Variants in SPATA6 observed in about 807,000 individuals in gnomAD.
SPATA6 encodes the protein spermatogenesis-associated protein 6.
Under a neutral mutation model 65.3 loss-of-function variants are expected in SPATA6, and 56 were observed. The ratio of observed to expected loss-of-function variants is 0.86; its 90% CI spans 0.69 to 1.07. The LOEUF (loss-of-function observed/expected upper bound fraction) is 1.07, where lower values mean the gene tolerates loss of function less well. Among genes scored for constraint, SPATA6 ranks in the 50% least tolerant of loss-of-function variants. The pLI, the probability that SPATA6 is intolerant of heterozygous loss-of-function variation, is 0.00. For synonymous variants in SPATA6, 199 were observed against 213.2 expected, an observed-to-expected ratio of 0.93 and a Z score of 0.58; for missense variants, 590 against 594.8, an observed-to-expected ratio of 0.99 and a Z score of 0.08.
At chr1:48,387,743 G>A (rs768442373) in intron 8 of SPATA6, among the ~76,000 whole-genome samples, 5 of 152,092 alleles carry the variant, frequency 3.3e-5, no homozygotes, top group African/African-American at 7.2e-5. Flanking sequence ...GCACCTGAAC[G>A]CTCCTCCCCA....
At chr1:48,389,397 A>C (rs1336179320) in intron 8 of SPATA6, among the ~76,000 whole-genome samples, 2 of 152,222 alleles carry the variant, frequency 1.3e-5, no homozygotes, top group Non-Finnish European at 2.9e-5. Context: ...TCTGAAGTCT[A>C]TCAAGAGACT....
chr1:48,381,685 T>TC (rs1355515844), intron 9 of SPATA6, among the ~76,000 whole-genome samples: 298 of 14,636 alleles, frequency 0.02, 4 homozygotes, highest in African/African-American at 0.034. Context: ...TAAATTTTTT[T>TC]TCTTTTTTTT....
In SPATA6 at chr1:48,436,630, T is replaced by A. The variant is rs2282312; in HGVS notation, c.238+14922A>T. Reference sequence around the variant, plus strand: ...ACAGAGGCATAGGGCTGTGTATGATTTCCCACAGTTCAGCACATCAGTGCA... The same window carrying A: ...ACAGAGGCATAGGGCTGTGTATGATATCCCACAGTTCAGCACATCAGTGCA... On this transcript the variant is annotated intron_variant, in intron 3 of 12. Transcript: ENST00000371847. 25,376 of 1,614,092 alleles carry A rather than the reference T, an allele frequency of 0.016. 1,079 individuals carry two copies. In the East Asian group the frequency reaches 0.19, roughly 12 times the overall value.
the SPATA6 span, among the ~76,000 whole-genome samples, chr1:48,265,289 G>A: frequency 4.0e-5 from 6 of 150,290 alleles, no homozygotes; most frequent in African/African-American, 7.3e-5. Flanking sequence ...TATTTTCCTA[G>A]TGCTACTGAT....
the SPATA6 span, among the ~76,000 whole-genome samples, chr1:48,289,795 C>T: frequency 0.025 from 3,747 of 151,974 alleles, 99 homozygotes; most frequent in African/African-American, 0.067. Context: ...AAGAGAAGTT[C>T]AGAGAAAAAA....
At chr1:48,396,944 T>TA (rs1158417172) in intron 7 of SPATA6, among the ~76,000 whole-genome samples, 2 of 151,582 alleles carry the variant, frequency 1.3e-5, no homozygotes, top group Admixed American at 6.6e-5. Flanking sequence ...AACCACAATT[T>TA]AAAAAAACAA....
chr1:48,303,147 C>T (rs905542451), intron 12 of SPATA6, among the ~76,000 whole-genome samples: 7 of 151,914 alleles, frequency 4.6e-5, no homozygotes, highest in Non-Finnish European at 1.0e-4. Flanking sequence ...ATTTTTAAAT[C>T]GATACATAAT....
intron 1 of SPATA6, among the ~76,000 whole-genome samples, chr1:48,457,069 GA>G (rs931830781): frequency 1.3e-5 from 2 of 149,066 alleles, no homozygotes; most frequent in African/African-American, 2.5e-5. Flanking sequence ...TCTCTCTACA[GA>G]AAAAAAAAAT....
At chr1:48,422,155 A>G (rs1207675306) in intron 3 of SPATA6, among the ~76,000 whole-genome samples, 1 of 152,230 alleles carries the variant, frequency 6.6e-6, no homozygotes, top group East Asian at 1.9e-4. Context: ...TGAGAAACAG[A>G]TTTCTGCTTC....
downstream of SPATA6, among the ~76,000 whole-genome samples, chr1:48,292,560 C>T (rs570006211): frequency 6.6e-6 from 1 of 152,292 alleles, no homozygotes; most frequent in Admixed American, 6.5e-5. Flanking sequence ...CACTAACAAC[C>T]AAGACCAGCA....
At chr1:48,269,696 T>C in the SPATA6 span, among the ~76,000 whole-genome samples, 1 of 152,020 alleles carries the variant, frequency 6.6e-6, no homozygotes, top group Non-Finnish European at 1.5e-5. Context: ...TGATACAATG[T>C]TGCTGTCAGT....
intron 9 of SPATA6, among the ~76,000 whole-genome samples, chr1:48,367,798 T>C (rs1237831605): frequency 1.3e-5 from 2 of 152,194 alleles, no homozygotes; most frequent in Non-Finnish European, 2.9e-5. Context: ...CCATTTACAT[T>C]TAAAGTTAAT....
rs1164734072 is a variant in SPATA6 at position 48,460,300 on chromosome 1, T to C, written c.52-7169A>G. On this transcript the variant is annotated intron_variant, in intron 1 of 12. Coordinates refer to ENST00000371847, the MANE Select transcript of SPATA6 (RefSeq NM_019073.4). ...ACTTCTAAAAGGTATATTACAGCAT[T>C]AAATCTTCGAAATTCTTTTAATTAA... Among the ~76,000 whole-genome samples, 5 of 152,158 alleles carry C rather than the reference T, an allele frequency of 3.3e-5. No individual in the cohort carries two copies. The South Asian group carries it at 6.2e-4, about 19-fold the overall frequency.
At chr1:48,425,449 G>A (rs987290720) in intron 3 of SPATA6, among the ~76,000 whole-genome samples, 1 of 152,158 alleles carries the variant, frequency 6.6e-6, no homozygotes. Context: ...TCATTGAAGT[G>A]TATTCATAAG....
At chr1:48,294,373 G>A (rs964458102), downstream of SPATA6, among the ~76,000 whole-genome samples, 3 of 152,088 alleles carry the variant, frequency 2.0e-5, no homozygotes, top group African/African-American at 7.2e-5. Flanking sequence ...CACTGCATCC[G>A]GCTGTCTATC....
intron 11 of SPATA6, among the ~76,000 whole-genome samples, chr1:48,312,063 C>A (rs1645231124): frequency 1.3e-5 from 2 of 152,186 alleles, no homozygotes; most frequent in African/African-American, 4.8e-5. Flanking sequence ...AACAAAGCGG[C>A]CAGGAAGCTC....
chr1:48,381,702 T>C (rs898957351), intron 9 of SPATA6, among the ~76,000 whole-genome samples: 1 of 138,276 alleles, frequency 7.2e-6, no homozygotes, highest in African/African-American at 2.7e-5. Context: ...TTTTTTTAAT[T>C]AATTTATTTA....
intron 12 of SPATA6, among the ~76,000 whole-genome samples, chr1:48,302,082 G>T (rs1344107821): frequency 2.6e-5 from 4 of 152,116 alleles, no homozygotes; most frequent in African/African-American, 7.2e-5. Context: ...TTTAGATCTA[G>T]TTGAGATTGC....
intron 10 of SPATA6, among the ~76,000 whole-genome samples, chr1:48,356,257 A>G (rs1048891201): frequency 3.9e-5 from 6 of 152,118 alleles, no homozygotes; most frequent in Non-Finnish European, 8.8e-5. Context: ...ATTGAAAAAT[A>G]TAACTTTATT....
Sources: gnomAD v4.1 joint callset for allele counts (sites outside exome capture counted in the v4.1 genomes callset) on GRCh38, gnomAD v4.1.1 for gene constraint, MANE v1.5 for transcripts, NCBI Gene and HGNC (gene_info 2026-07-23, HGNC 2026-07-21) for gene names.